TSPAN11: variants seen among roughly 807,000 people sequenced by gnomAD.
TSPAN11 encodes tetraspanin 11, also known as tetraspanin-11.
Under a neutral mutation model 32.9 loss-of-function variants are expected in TSPAN11, and 29 were observed. The observed-to-expected ratio is 0.88, with a 90% CI of 0.66 to 1.20. The LOEUF (loss-of-function observed/expected upper bound fraction) is 1.20, where lower values mean the gene tolerates loss of function less well. Ranked by LOEUF, TSPAN11 falls within the 50% of genes most tolerant of loss-of-function variation. TSPAN11 has a pLI of 0.00. For synonymous variants in TSPAN11, 140 were observed against 141.3 expected (o/e 0.99, Z 0.07); for missense variants, 283 against 329.1 (o/e 0.86, Z 1.08).
At position 30,993,126 on chromosome 12, in the gene TSPAN11, G is replaced by A. The variant is rs1939349708; in HGVS notation, c.*1211G>A. 6.6e-6 allele frequency: 1 copy of A among 152,150 alleles called. No individual in the cohort carries two copies. Among genetic ancestry groups the A allele is most frequent in the South Asian group, 2.1e-4 (1 of 4,820 alleles). 9.4% of individuals were successfully genotyped at this position (152,150 alleles called of 1,614,324 possible). On this transcript the variant is annotated 3_prime_UTR_variant, in exon 8 of 8. Coordinates refer to ENST00000546076, the MANE Select transcript of TSPAN11 (RefSeq NM_001370302.1). ...ACACCCATAGGGACCCCCCCAAATG[G>A]CTATTACAAAGGGGCAGCCCATTCA... is the stretch of plus-strand genomic sequence containing the variant.
chr12:30,991,782 T>C (rs749382587), intron 7 of TSPAN11, 74 bp from the exon 8 acceptor site: 106 of 1,542,760 alleles, frequency 6.9e-5, no homozygotes, highest in Non-Finnish European at 9.2e-5. Flanking sequence ...GCAGCACTGC[T>C]CCAGGGCCCT....
At chr12:30,926,885 C>T (rs1937805617) in intron 1 of TSPAN11, 89 bp downstream of exon 1, 1 of 1,227,276 alleles carries the variant, frequency 8.1e-7, no homozygotes, top group Non-Finnish European at 1.0e-6. Flanking sequence ...GCTGCCCGCC[C>T]CGCCGGCAGT....
At chr12:31,003,176 G>C in the TSPAN11 span, among the ~76,000 whole-genome samples, 1 of 152,228 alleles carries the variant, frequency 6.6e-6, no homozygotes, top group East Asian at 1.9e-4. Context: ...ATTCACTCAG[G>C]GGAATTCTGC....
intron 1 of TSPAN11, among the ~76,000 whole-genome samples, chr12:30,941,091 T>C (rs7306770): frequency 2.8e-3 from 431 of 152,328 alleles, no homozygotes; most frequent in African/African-American, 1.0e-2. Flanking sequence ...CAAGGTACAG[T>C]TGATCCTTGA....
chr12:30,953,523 C>T (rs1938422486), intron 1 of TSPAN11, among the ~76,000 whole-genome samples: 1 of 152,170 alleles, frequency 6.6e-6, no homozygotes, highest in Non-Finnish European at 1.5e-5. Flanking sequence ...CTTTCCAACA[C>T]AGGTGCTCTG....
At chr12:31,014,688 T>A in the TSPAN11 span, among the ~76,000 whole-genome samples, 2 of 152,228 alleles carry the variant, frequency 1.3e-5, no homozygotes, top group Admixed American at 6.5e-5. Context: ...GTTTTCTTGA[T>A]ACTGACAGAA....
At chr12:30,933,672 G>T (rs1937981652) in intron 1 of TSPAN11, among the ~76,000 whole-genome samples, 1 of 152,030 alleles carries the variant, frequency 6.6e-6, no homozygotes, top group African/African-American at 2.4e-5. Flanking sequence ...GCAAACAGTG[G>T]TTGCAGCTCT....
chr12:30,990,486 G>T (rs562939725), intron 7 of TSPAN11, among the ~76,000 whole-genome samples: 1 of 152,244 alleles, frequency 6.6e-6, no homozygotes, highest in Non-Finnish European at 1.5e-5. Flanking sequence ...GGCCGCCTGC[G>T]TAAAGCTAGC....
At chr12:31,014,800 T>G in the TSPAN11 span, among the ~76,000 whole-genome samples, 1 of 152,166 alleles carries the variant, frequency 6.6e-6, no homozygotes, top group Non-Finnish European at 1.5e-5. Context: ...AACTTTGGAG[T>G]CATGTAGTAA....
intron 3 of TSPAN11, among the ~76,000 whole-genome samples, chr12:30,970,584 C>A (rs1938827671): frequency 6.6e-6 from 1 of 152,188 alleles, no homozygotes; most frequent in African/African-American, 2.4e-5. Context: ...GCTCTCTGCA[C>A]CCTAGCCCTG....
chr12:30,962,996 G>C (rs1861920), intron 2 of TSPAN11, among the ~76,000 whole-genome samples: 66,800 of 152,104 alleles, frequency 0.44, 15,070 homozygotes, highest in Non-Finnish European at 0.48. Context: ...CAGCCAAGCC[G>C]AGCCATCCCT....
Position 30,993,462 on chromosome 12 carries a change from T to C in TSPAN11, c.*1547T>C, listed in dbSNP as rs1276380709. ...ATCCTCAGCACAGGAAGTACCCACA[T>C]GGACAGAGGGAAGCCCAGCCTCGGG... On this transcript the variant is annotated 3_prime_UTR_variant, in exon 8 of 8. Coordinates refer to ENST00000546076, the MANE Select transcript of TSPAN11 (RefSeq NM_001370302.1). The C allele has an allele frequency of 3.3e-5, 5 of 152,320 alleles. No individual in the cohort carries two copies. Among genetic ancestry groups the C allele is most frequent in the Admixed American group, 6.5e-5 (1 of 15,290 alleles). 9.4% of individuals were successfully genotyped at this position (152,320 alleles called of 1,614,324 possible).
chr12:31,008,847 T>C, the TSPAN11 span, among the ~76,000 whole-genome samples: 3 of 152,156 alleles, frequency 2.0e-5, no homozygotes, highest in Admixed American at 2.0e-4. Flanking sequence ...CCCACCCATT[T>C]CCCTGAGTTC....
the TSPAN11 span, among the ~76,000 whole-genome samples, chr12:31,006,933 T>C: frequency 6.6e-6 from 1 of 152,228 alleles, no homozygotes; most frequent in Non-Finnish European, 1.5e-5. Flanking sequence ...CGATTTCCCC[T>C]TGAAGCTACC....
At chr12:30,988,822 C>A (rs559700540) in intron 7 of TSPAN11, among the ~76,000 whole-genome samples, 1 of 152,350 alleles carries the variant, frequency 6.6e-6, no homozygotes, top group South Asian at 2.1e-4. Flanking sequence ...GCCGCTGTGG[C>A]AGAGCTGGCC....
At position 30,966,937 on chromosome 12, in the gene TSPAN11, C is replaced by T. The variant is rs376163213; in HGVS notation, c.276+2920C>T. On this transcript the variant is annotated intron_variant, in intron 3 of 7. Transcript: ENST00000546076. ...TCAGCTTAGAAGGGACCTTGAGGGT[C>T]ACAGAGTCCAGTGCTCCATCCAAAG... Among the ~76,000 whole-genome samples, 21 of 152,348 alleles carry T rather than the reference C, an allele frequency of 1.4e-4. No homozygotes were observed. The South Asian group carries it at 4.4e-3, about 32-fold the overall frequency.
chr12:31,005,002 A>G, the TSPAN11 span, among the ~76,000 whole-genome samples: 1 of 152,196 alleles, frequency 6.6e-6, no homozygotes, highest in Non-Finnish European at 1.5e-5. Context: ...CAGGACTGGC[A>G]GGACCCCTGT....
chr12:30,928,436 G>A (rs868731615), intron 1 of TSPAN11, among the ~76,000 whole-genome samples: 3 of 152,202 alleles, frequency 2.0e-5, no homozygotes, highest in Non-Finnish European at 2.9e-5. Flanking sequence ...AGTGCCTTCA[G>A]ACCCAGGGCC....
rs1937814108 is a variant in TSPAN11 at position 30,927,096 on chromosome 12, T to C, written c.-12+300T>C. ...GCACTTGTGCCTTGGGAGAGAGCTCTGGGCCTCTGAGGGCCTCGTGCCGTC... is the reference window on the plus strand; with the variant it reads ...GCACTTGTGCCTTGGGAGAGAGCTCCGGGCCTCTGAGGGCCTCGTGCCGTC... On this transcript the variant is annotated intron_variant, in intron 1 of 7. Coordinates refer to ENST00000546076, the MANE Select transcript of TSPAN11 (RefSeq NM_001370302.1). The C allele has an allele frequency of 8.2e-6, 10 of 1,214,888 alleles. No individual in the cohort carries two copies. In the Admixed American group the frequency reaches 2.3e-4, roughly 29 times the overall value. 75.3% of individuals were successfully genotyped at this position (1,214,888 alleles called of 1,614,324 possible).
Sources: allele counts gnomAD v4.1 joint callset (sites outside exome capture counted in the v4.1 genomes callset), GRCh38; gene constraint gnomAD v4.1.1; transcripts MANE v1.5; gene names NCBI Gene and HGNC (gene_info 2026-07-23, HGNC 2026-07-21).